Variants in ZNF99 observed in about 807,000 individuals in gnomAD.
The protein encoded by ZNF99 is zinc finger protein ENSP00000375192.
Under a neutral mutation model 12.8 loss-of-function variants are expected in ZNF99, and 8 were observed. The ratio of observed to expected loss-of-function variants is 0.62; its 90% CI spans 0.37 to 1.13. The LOEUF (loss-of-function observed/expected upper bound fraction) is 1.13, where lower values mean the gene tolerates loss of function less well. Among genes scored for constraint, ZNF99 ranks in the 50% most tolerant of loss-of-function variants. The pLI is 0.02. For missense variants in ZNF99, 1,007 were observed against 1,006.2 expected (o/e 1.00, Z -0.01); for synonymous variants, 318 against 319.0 (o/e 1.00, Z 0.03).
rs182281676 is a variant in ZNF99, at chr19:22,754,450, T to G, written c.*2864A>C. On this transcript the variant is annotated 3_prime_UTR_variant, in exon 4 of 4. Transcript: ENST00000596209. The stretch of plus-strand genomic sequence containing the variant: ...AAATTATCTTATGTGTAATAAGGGT[T>G]GAAATGTTTTTAAAGCTTTTGTCAC... The G allele has an allele frequency of 7.0e-4, 283 of 406,948 alleles. 3 individuals are homozygous for G. The highest frequency in any genetic ancestry group is 5.8e-3 in the African/African-American group (275 of 47,730). The allele number at this position is 406,948 out of a possible 1,614,324, so 25.2% of individuals were successfully genotyped here. A position where few individuals can be genotyped will look rare whatever the true frequency, so the allele number is the denominator to read the frequency against.
At chr19:22,777,561 AAG>A (rs1285152221) in intron 1 of ZNF99, among the ~76,000 whole-genome samples, 21 of 152,324 alleles carry the variant, frequency 1.4e-4, no homozygotes, top group Middle Eastern at 3.4e-3. Context: ...CTATGGGTGA[AAG>A]AGAGTGCAAT....
chr19:22,754,563 C>A lies in ZNF99; in HGVS notation c.*2751G>T, dbSNP rs1167610019. ...GACCAGTTAAAGACTTTGTTACATTCTTCACATTTGTCGGGTTTCTCTTCA... is the reference window on the plus strand; with the variant it reads ...GACCAGTTAAAGACTTTGTTACATTATTCACATTTGTCGGGTTTCTCTTCA... On this transcript the variant is annotated 3_prime_UTR_variant, in exon 4 of 4. Coordinates refer to ENST00000596209, the MANE Select transcript of ZNF99 (RefSeq NM_001080409.3). The A allele has an allele frequency of 2.4e-6, 1 of 422,998 alleles. No individual in the cohort carries two copies. Among genetic ancestry groups the A allele is most frequent in the Non-Finnish European group, 4.7e-6 (1 of 214,564 alleles). 26.2% of individuals were successfully genotyped at this position (422,998 alleles called of 1,614,324 possible).
Position 22,783,912 on chromosome 19 carries a change from G to A in ZNF99, c.3+102C>T. The A allele has an allele frequency of 2.1e-6, 3 of 1,452,352 alleles. No homozygotes were observed. In the African/African-American group the frequency reaches 4.2e-5, roughly 20 times the overall value. 90.0% of individuals were successfully genotyped at this position (1,452,352 alleles called of 1,614,324 possible). On this transcript the variant is annotated intron_variant, in intron 1 of 3. Coordinates refer to ENST00000596209, the MANE Select transcript of ZNF99 (RefSeq NM_001080409.3). ...TGGGCAAGAGCTCGGGGCGCAGACT[G>A]TGGAGCTCACTGAGGGGAGGCCTGA...
rs755190540 is a variant in ZNF99, at chr19:22,758,239, A to C, written c.1670T>G (p.Ile557Arg). The part of the protein sequence containing the change: ...NNSSTLMKHK[I>R]IHTGKKPYKC... ...GTATGGTTTCTTCCCAGTATGAATT[A>C]TCTTATGTTTCATAAGGGTTGAGGA... The change falls in exon 4 of 4, where the codon ATA becomes AGA. Residue 557 changes from isoleucine (I) to arginine (R), a missense_variant. Ile to Arg is a moderately conservative substitution (Grantham distance 97, BLOSUM62 -3). Coordinates refer to ENST00000596209, the MANE Select transcript of ZNF99 (RefSeq NM_001080409.3). The C allele has an allele frequency of 3.1e-6, 5 of 1,600,576 alleles. No homozygotes were observed. The highest frequency in any genetic ancestry group is 1.3e-5 in the African/African-American group (1 of 74,614).
Position 22,754,346 on chromosome 19 carries a change from G to A in ZNF99, c.*2968C>T, listed in dbSNP as rs4933033. On this transcript the variant is annotated 3_prime_UTR_variant, in exon 4 of 4. Coordinates refer to ENST00000596209, the MANE Select transcript of ZNF99 (RefSeq NM_001080409.3). Reference sequence around the variant, plus strand: ...TGCACCATTGCACTCCAATTTGGGCGACAGAGTGAGACTCCATTTCAAAAA... The same window carrying A: ...TGCACCATTGCACTCCAATTTGGGCAACAGAGTGAGACTCCATTTCAAAAA... 66,885 of 406,854 alleles carry A rather than the reference G, an allele frequency of 0.16. 5,632 individuals are homozygous for A. Among genetic ancestry groups the A allele is most frequent in the East Asian group, 0.19 (2,448 of 13,232 alleles). 25.2% of individuals were successfully genotyped at this position (406,854 alleles called of 1,614,324 possible).
At chr19:22,781,166 C>A (rs975644637) in intron 1 of ZNF99, among the ~76,000 whole-genome samples, 3 of 152,158 alleles carry the variant, frequency 2.0e-5, no homozygotes, top group Non-Finnish European at 4.4e-5. Flanking sequence ...TCCCTACTAA[C>A]AAAATGCAAT....
chr19:22,768,978 G>A (rs1238953087), intron 2 of ZNF99, among the ~76,000 whole-genome samples: 3 of 150,054 alleles, frequency 2.0e-5, no homozygotes, highest in South Asian at 2.1e-4. Context: ...GTGGTAAGCC[G>A]AGATCGCACC....
rs974457915 is a variant in ZNF99, at chr19:22,754,349, AGAGT to A, written c.*2961_*2964del. On this transcript the variant is annotated 3_prime_UTR_variant, in exon 4 of 4. Coordinates refer to ENST00000596209, the MANE Select transcript of ZNF99 (RefSeq NM_001080409.3). ...ACCATTGCACTCCAATTTGGGCGAC[AGAGT>A]GAGACTCCATTTCAAAAAAAAAAAA... 4.7e-6 allele frequency: 2 copies of A among 421,228 alleles called. No homozygotes were observed. Among genetic ancestry groups the A allele is most frequent in the Admixed American group, 2.8e-5 (1 of 35,818 alleles). 26.1% of individuals were successfully genotyped at this position (421,228 alleles called of 1,614,324 possible).
At chr19:22,775,448 A>G (rs1973315552) in intron 1 of ZNF99, among the ~76,000 whole-genome samples, 1 of 152,344 alleles carries the variant, frequency 6.6e-6, no homozygotes, top group Admixed American at 6.5e-5. Context: ...TTGAAATTAT[A>G]AGAAACCCTT....
intron 3 of ZNF99, among the ~76,000 whole-genome samples, chr19:22,765,196 G>A (rs1044136406): frequency 2.0e-5 from 3 of 152,160 alleles, no homozygotes; most frequent in African/African-American, 7.2e-5. Flanking sequence ...ACATGGATAA[G>A]ATTAGAGGCT....
At chr19:22,769,834 T>TGA (rs1449801438) in intron 1 of ZNF99, 1 of 1,292,356 alleles carries the variant, frequency 7.7e-7, no homozygotes, top group East Asian at 4.9e-5. Context: ...AAAAAAAGAA[T>TGA]GGCAGAAGAT....
intron 1 of ZNF99, among the ~76,000 whole-genome samples, chr19:22,775,975 C>T (rs62120459): frequency 0.19 from 29,373 of 151,690 alleles, 3,799 homozygotes; most frequent in African/African-American, 0.37. Flanking sequence ...TGTGCCGAGA[C>T]TGTGCCACTG....
intron 1 of ZNF99, among the ~76,000 whole-genome samples, chr19:22,782,405 G>C (rs1172655501): frequency 2.0e-5 from 3 of 151,794 alleles, no homozygotes; most frequent in Non-Finnish European, 4.4e-5. Context: ...GCCCAGAATG[G>C]ACTGCAATGG....
chr19:22,758,554 G>A lies in ZNF99; in HGVS notation c.1355C>T (p.Pro452Leu), dbSNP rs868214136. 1.2e-6 allele frequency: 2 copies of A among 1,612,788 alleles called. No homozygotes were observed. The highest frequency in any genetic ancestry group is 1.7e-6 in the Non-Finnish European group (2 of 1,179,576). ...KHKIIHTGKQ[P>L]YKCEECSKAF... ...TTTGCTGCATTCTTCACATTTGTAG[G>A]GTTGCTTTCCAGTATGAATTATCTT... Residue 452 changes from proline (P) to leucine (L), a missense_variant, in exon 4 of 4, where the codon CCC becomes CTC. Pro to Leu is a moderately conservative substitution (Grantham distance 98, BLOSUM62 -3). Transcript: ENST00000596209.
At chr19:22,768,965 G>C (rs562348365) in intron 2 of ZNF99, among the ~76,000 whole-genome samples, 1 of 150,960 alleles carries the variant, frequency 6.6e-6, no homozygotes, top group Non-Finnish European at 1.5e-5. Context: ...GGAGGCGGAG[G>C]TTGTGGTAAG....
At position 22,752,420 on chromosome 19, in the gene ZNF99, T is replaced by G. The variant is rs548779497; in HGVS notation, c.*4894A>C. ...ATATGCTATATATGGCAGAAATATATCTACACACTATGTACCCATAAAAGT... is the reference window on the plus strand; with the variant it reads ...ATATGCTATATATGGCAGAAATATAGCTACACACTATGTACCCATAAAAGT... On this transcript the variant is annotated 3_prime_UTR_variant, in exon 4 of 4. Transcript: ENST00000596209. 1.3e-5 allele frequency: 2 copies of G among 151,696 alleles called. No homozygotes were observed. Among genetic ancestry groups the G allele is most frequent in the African/African-American group, 4.8e-5 (2 of 41,298 alleles). 9.4% of individuals were successfully genotyped at this position (151,696 alleles called of 1,614,324 possible).
At chr19:22,764,454 G>GT (rs2145148013) in intron 3 of ZNF99, among the ~76,000 whole-genome samples, 1 of 152,118 alleles carries the variant, frequency 6.6e-6, no homozygotes, top group Admixed American at 6.6e-5. Context: ...ATTAGGGAGG[G>GT]TTTTCTCTCT....
chr19:22,769,760 C>CA (rs376034686), intron 1 of ZNF99, among the ~76,000 whole-genome samples: 11,886 of 84,768 alleles, frequency 0.14, 490 homozygotes, highest in Middle Eastern at 0.22. Context: ...GACTCTGTCT[C>CA]AAAAAAAAAA....
At chr19:22,778,572 T>C (rs1973353796) in intron 1 of ZNF99, among the ~76,000 whole-genome samples, 1 of 152,192 alleles carries the variant, frequency 6.6e-6, no homozygotes, top group South Asian at 2.1e-4. Flanking sequence ...AACTGGGGAC[T>C]CTCATAACAT....
Sources: allele counts gnomAD v4.1 joint callset (sites outside exome capture counted in the v4.1 genomes callset), GRCh38; gene constraint gnomAD v4.1.1; transcripts MANE v1.5; gene names NCBI Gene and HGNC (gene_info 2026-07-23, HGNC 2026-07-21).